Variants in LSAMP observed in about 807,000 individuals in gnomAD.
LSAMP encodes limbic system associated membrane protein.
LSAMP carries 7 observed loss-of-function variants against 38.6 expected under a neutral mutation model. That is an observed-to-expected ratio of 0.18 (90% CI 0.10 to 0.34). The LOEUF (loss-of-function observed/expected upper bound fraction) is 0.34, where lower values mean the gene tolerates loss of function less well. Ranked by LOEUF, LSAMP falls within the 10% of genes least tolerant of loss-of-function variation. The probability of loss-of-function intolerance (pLI) is 1.00; values close to 1 mark genes in which losing one functional copy is unlikely to be tolerated. For synonymous variants in LSAMP, 154 were observed against 166.8 expected (o/e 0.92, Z 0.59); for missense variants, 313 against 420.0 (o/e 0.75, Z 2.23).
At chr3:115,850,576 C>T (rs904784436) in intron 4 of LSAMP, among the ~76,000 whole-genome samples, 1 of 152,178 alleles carries the variant, frequency 6.6e-6, no homozygotes. Flanking sequence ...CTTTGAAACA[C>T]ACCCAACACT....
rs1217607948 is a variant in LSAMP at position 115,802,470 on chromosome 3, G to A, written c.*7847C>T. On this transcript the variant is annotated 3_prime_UTR_variant, in exon 7 of 7. Transcript: ENST00000490035. ...TGTAAAGTAACAGAAGAGAGAAACA[G>A]AATTTAAATACATTTAAAAAGAAAA... 6.6e-6 allele frequency: 1 copy of A among 151,268 alleles called. No homozygotes were observed. The highest frequency in any genetic ancestry group is 6.6e-5 in the Admixed American group (1 of 15,208). 9.4% of individuals were successfully genotyped at this position (151,268 alleles called of 1,614,324 possible). A position where few individuals can be genotyped will look rare whatever the true frequency, so the allele number is the denominator to read the frequency against.
At chr3:115,984,485 G>C (rs1939455552) in intron 3 of LSAMP, among the ~76,000 whole-genome samples, 1 of 152,164 alleles carries the variant, frequency 6.6e-6, no homozygotes, top group Non-Finnish European at 1.5e-5. Context: ...TAGGTACAAA[G>C]TGTGAGGGAT....
rs1327167136 is a variant in LSAMP, at chr3:116,262,069, T to C, written c.156-175513A>G. ...TCCCTATTGAGCCTAATGGAGCCCC[T>C]TCTTTACCATTTTGTTTTCATTTTT... On this transcript the variant is annotated intron_variant, in intron 1 of 6. Transcript: ENST00000490035. Among the ~76,000 whole-genome samples the C allele has an allele frequency of 2.6e-5, 4 of 152,086 alleles. No individual in the cohort carries two copies. In the East Asian group the frequency reaches 7.7e-4, roughly 29 times the overall value.
Position 116,075,065 on chromosome 3 carries a change from C to T in LSAMP, c.388+11259G>A, listed in dbSNP as rs1465015452. On this transcript the variant is annotated intron_variant, in intron 2 of 6. Transcript: ENST00000490035. ...GTTGGTCAAGCTGGTCTTGAAATCC[C>T]GACCTCTGGTGATCTGCCCATCTTG... is the stretch of plus-strand genomic sequence containing the variant. 3.3e-5 allele frequency among the ~76,000 whole-genome samples: 5 copies of T among 151,160 alleles called. No individual in the cohort carries two copies. The East Asian group carries it at 7.8e-4, about 24-fold the overall frequency.
At chr3:116,405,717 A>C (rs1244607489) in intron 1 of LSAMP, among the ~76,000 whole-genome samples, 1 of 152,126 alleles carries the variant, frequency 6.6e-6, no homozygotes, top group Non-Finnish European at 1.5e-5. Context: ...TATAAGGCTC[A>C]TTAGAGGTGC....
At chr3:115,968,979 A>G (rs549855612) in intron 3 of LSAMP, among the ~76,000 whole-genome samples, 19 of 152,298 alleles carry the variant, frequency 1.2e-4, no homozygotes, top group Non-Finnish European at 2.6e-4. Context: ...GAAAAGCAGC[A>G]CTGAGTTCCA....
At chr3:116,163,467 G>C (rs1269870712) in intron 1 of LSAMP, among the ~76,000 whole-genome samples, 9 of 151,446 alleles carry the variant, frequency 5.9e-5, no homozygotes, top group African/African-American at 1.9e-4. Flanking sequence ...TCTTAATCCA[G>C]TCTATCATTG....
intron 3 of LSAMP, among the ~76,000 whole-genome samples, chr3:115,998,396 C>T (rs1939889853): frequency 1.3e-5 from 2 of 152,058 alleles, no homozygotes; most frequent in Non-Finnish European, 2.9e-5. Context: ...GCTGAATAGT[C>T]TAGCAGAGAG....
intron 1 of LSAMP, among the ~76,000 whole-genome samples, chr3:116,194,385 G>C (rs1576423903): frequency 7.2e-6 from 1 of 138,092 alleles, no homozygotes; most frequent in East Asian, 2.0e-4. Context: ...TTTTTTGTTT[G>C]TTTGTTTGTT....
At chr3:116,186,303 C>T (rs956918648) in intron 1 of LSAMP, among the ~76,000 whole-genome samples, 4 of 152,268 alleles carry the variant, frequency 2.6e-5, no homozygotes, top group Middle Eastern at 3.4e-3. Flanking sequence ...CTTGTCCCGA[C>T]CAATGCCATC....
chr3:115,817,957 G>C (rs1234262325), intron 6 of LSAMP, among the ~76,000 whole-genome samples: 1 of 151,976 alleles, frequency 6.6e-6, no homozygotes, highest in Non-Finnish European at 1.5e-5. Context: ...CTTTTCTTTA[G>C]GATCAACATA....
chr3:116,384,366 T>A (rs1203230360), intron 1 of LSAMP, among the ~76,000 whole-genome samples: 2 of 152,134 alleles, frequency 1.3e-5, no homozygotes, highest in Non-Finnish European at 2.9e-5. Flanking sequence ...AGTCTGTACA[T>A]TAGGATCACC....
At chr3:116,055,873 C>T (rs1941481917) in intron 2 of LSAMP, among the ~76,000 whole-genome samples, 1 of 152,074 alleles carries the variant, frequency 6.6e-6, no homozygotes, top group Non-Finnish European at 1.5e-5. Context: ...AAAATTCTGC[C>T]TGTTCCTACA....
intron 1 of LSAMP, among the ~76,000 whole-genome samples, chr3:116,346,160 C>A (rs1051373787): frequency 1.3e-5 from 2 of 152,094 alleles, no homozygotes; most frequent in East Asian, 1.9e-4. Context: ...CTAATTTTTT[C>A]ATTGCAAATA....
intron 1 of LSAMP, among the ~76,000 whole-genome samples, chr3:116,300,854 T>A (rs1290982892): frequency 6.6e-6 from 1 of 152,148 alleles, no homozygotes; most frequent in Non-Finnish European, 1.5e-5. Flanking sequence ...CGGCATGTAA[T>A]ATTCACAAAA....
At chr3:116,284,972 A>T (rs1405479554) in intron 1 of LSAMP, among the ~76,000 whole-genome samples, 2 of 152,220 alleles carry the variant, frequency 1.3e-5, no homozygotes, top group East Asian at 3.8e-4. Context: ...ACATCTTTGC[A>T]TTGTGGTGAA....
At chr3:116,372,304 A>C (rs1429541518) in intron 1 of LSAMP, among the ~76,000 whole-genome samples, 1 of 152,068 alleles carries the variant, frequency 6.6e-6, no homozygotes, top group Non-Finnish European at 1.5e-5. Flanking sequence ...GGGTACCAAG[A>C]CTATTCAATG....
chr3:116,358,733 T>C (rs1422987589), intron 1 of LSAMP, among the ~76,000 whole-genome samples: 1 of 149,404 alleles, frequency 6.7e-6, no homozygotes, highest in Non-Finnish European at 1.5e-5. Flanking sequence ...ATTTGTACCA[T>C]AAAGTACAAA....
intron 1 of LSAMP, among the ~76,000 whole-genome samples, chr3:116,191,148 A>C (rs1325342071): frequency 6.6e-6 from 1 of 152,136 alleles, no homozygotes; most frequent in Non-Finnish European, 1.5e-5. Context: ...GCCTGAACCC[A>C]GGAGGTGGAG....
Sources: allele counts gnomAD v4.1 joint callset (sites outside exome capture counted in the v4.1 genomes callset), GRCh38; gene constraint gnomAD v4.1.1; transcripts MANE v1.5; gene names NCBI Gene and HGNC (gene_info 2026-07-23, HGNC 2026-07-21).